PCSK5: variants seen among roughly 807,000 people sequenced by gnomAD.
PCSK5 encodes the protein proprotein convertase subtilisin/kexin type 5, also known as prohormone convertase 5.
A neutral mutation model predicts 233.2 loss-of-function variants in PCSK5; 129 were observed. The observed-to-expected ratio is 0.55, with a 90% CI of 0.48 to 0.64. The LOEUF (loss-of-function observed/expected upper bound fraction) is 0.64, where lower values mean the gene tolerates loss of function less well. Ranked by LOEUF, PCSK5 falls within the 30% of genes least tolerant of loss-of-function variation. The pLI is 0.00. For missense variants in PCSK5, 2,076 were observed against 2,430.1 expected (o/e 0.85, Z 3.06); for synonymous variants, 825 against 879.2 (o/e 0.94, Z 1.09).
At chr9:76,063,418 G>C (rs1338214884) in intron 5 of PCSK5, among the ~76,000 whole-genome samples, 2 of 109,212 alleles carry the variant, frequency 1.8e-5, no homozygotes, top group East Asian at 2.5e-4. Context: ...TGGAGGGAAG[G>C]TCAGCAGATA....
At chr9:76,007,361 G>T (rs1172153706) in intron 3 of PCSK5, among the ~76,000 whole-genome samples, 3 of 151,970 alleles carry the variant, frequency 2.0e-5, no homozygotes, top group Non-Finnish European at 4.4e-5. Flanking sequence ...TTTATACTTT[G>T]TTGTTACAGA....
intron 28 of PCSK5, among the ~76,000 whole-genome samples, chr9:76,307,375 G>T (rs1828734598): frequency 6.6e-6 from 1 of 152,152 alleles, no homozygotes. Context: ...GAGGGTCAGG[G>T]TCATTGAAAT....
At chr9:76,141,160 A>G (rs149364553) in intron 10 of PCSK5, among the ~76,000 whole-genome samples, 6 of 152,244 alleles carry the variant, frequency 3.9e-5, no homozygotes, top group Non-Finnish European at 5.9e-5. Flanking sequence ...TTGACTATCA[A>G]GTAATGAAAT....
intron 1 of PCSK5, among the ~76,000 whole-genome samples, chr9:75,925,761 C>G (rs1395807651): frequency 1.3e-5 from 2 of 152,126 alleles, no homozygotes; most frequent in African/African-American, 4.8e-5. Context: ...ATCGTGGCCT[C>G]CTCCTTATGG....
chr9:76,057,912 C>T (rs1307726458), intron 5 of PCSK5, among the ~76,000 whole-genome samples: 1 of 143,002 alleles, frequency 7.0e-6, no homozygotes, highest in Admixed American at 7.5e-5. Flanking sequence ...ACACAGCTCA[C>T]TGCATCCATG....
At chr9:76,164,007 G>T (rs1335191126) in intron 12 of PCSK5, among the ~76,000 whole-genome samples, 1 of 151,896 alleles carries the variant, frequency 6.6e-6, no homozygotes, top group African/African-American at 2.4e-5. Flanking sequence ...GAATATCTCT[G>T]CTTCTAATTA....
At chr9:76,053,426 C>A (rs1829705670) in intron 5 of PCSK5, among the ~76,000 whole-genome samples, 1 of 152,198 alleles carries the variant, frequency 6.6e-6, no homozygotes, top group Non-Finnish European at 1.5e-5. Context: ...GAATTTCTCC[C>A]CGAAAATGGG....
At chr9:75,986,631 C>T (rs1468767176) in intron 3 of PCSK5, among the ~76,000 whole-genome samples, 1 of 152,168 alleles carries the variant, frequency 6.6e-6, no homozygotes, top group African/African-American at 2.4e-5. Context: ...AGCTAATGCA[C>T]ACTGGTTCTT....
At chr9:76,039,088 AG>A in intron 5 of PCSK5, among the ~76,000 whole-genome samples, 1 of 152,298 alleles carries the variant, frequency 6.6e-6, no homozygotes, top group East Asian at 1.9e-4. Context: ...TATTTCGGTA[AG>A]CAATTGCAAA....
intron 2 of PCSK5, among the ~76,000 whole-genome samples, chr9:75,966,584 A>G (rs1192522291): frequency 6.6e-6 from 1 of 152,212 alleles, no homozygotes; most frequent in Non-Finnish European, 1.5e-5. Flanking sequence ...TTTCAATGAA[A>G]TTTAATGAAT....
intron 13 of PCSK5, 106 bp downstream of exon 13, chr9:76,169,946 G>A: frequency 1.1e-6 from 1 of 871,000 alleles, no homozygotes; most frequent in Non-Finnish European, 1.8e-6. Flanking sequence ...TTTCTCATGT[G>A]GTTCATTTCA....
chr9:75,898,499 G>C (rs1825900148), intron 1 of PCSK5, among the ~76,000 whole-genome samples: 1 of 152,156 alleles, frequency 6.6e-6, no homozygotes, highest in African/African-American at 2.4e-5. Context: ...CAATCACTTT[G>C]TCTAGGAGGG....
At chr9:75,958,886 C>T (rs941241189) in intron 2 of PCSK5, among the ~76,000 whole-genome samples, 2 of 152,222 alleles carry the variant, frequency 1.3e-5, no homozygotes, top group Non-Finnish European at 2.9e-5. Flanking sequence ...CAACACTACA[C>T]ATCCCCTGTG....
At chr9:76,259,456 TACACACACACACAC>T (rs10592376) in intron 24 of PCSK5, among the ~76,000 whole-genome samples, 14 of 148,678 alleles carry the variant, frequency 9.4e-5, no homozygotes, top group African/African-American at 2.7e-4. Flanking sequence ...CTGTCTACAC[TACACACACACACAC>T]ACACACACAC....
intron 34 of PCSK5, among the ~76,000 whole-genome samples, chr9:76,336,663 A>G (rs1274799739): frequency 6.6e-6 from 1 of 152,226 alleles, no homozygotes; most frequent in Non-Finnish European, 1.5e-5. Context: ...AAGATTTGCT[A>G]TGAGGATAAA....
chr9:76,003,610 A>G (rs1240964537), intron 3 of PCSK5, among the ~76,000 whole-genome samples: 2 of 152,242 alleles, frequency 1.3e-5, no homozygotes, highest in Non-Finnish European at 2.9e-5. Context: ...ACAGTCCAAA[A>G]TATTGCAGAA....
chr9:76,193,596 A>C, intron 20 of PCSK5: 1 of 399,220 alleles, frequency 2.5e-6, no homozygotes. Flanking sequence ...GTTTAGTGCT[A>C]AACAGCCAGA....
intron 1 of PCSK5, among the ~76,000 whole-genome samples, chr9:75,925,669 T>C (rs954387418): frequency 6.6e-6 from 1 of 152,000 alleles, no homozygotes; most frequent in Admixed American, 6.6e-5. Context: ...GTCCTGGAGA[T>C]TTCTGGAGGA....
chr9:76,032,542 C>G (rs1828693113), intron 5 of PCSK5, among the ~76,000 whole-genome samples: 1 of 152,184 alleles, frequency 6.6e-6, no homozygotes, highest in African/African-American at 2.4e-5. Flanking sequence ...CCTTTCTCGT[C>G]ACTTTTGCAA....
Sources: gnomAD v4.1 joint callset for allele counts (sites outside exome capture counted in the v4.1 genomes callset) on GRCh38, gnomAD v4.1.1 for gene constraint, MANE v1.5 for transcripts, NCBI Gene and HGNC (gene_info 2026-07-23, HGNC 2026-07-21) for gene names.